Variants in GRID2 observed in about 807,000 individuals in gnomAD.
The protein encoded by GRID2 is glutamate receptor ionotropic, delta-2.
GRID2 carries 33 observed loss-of-function variants against 114.8 expected under a neutral mutation model. The observed-to-expected ratio is 0.29, with a 90% CI of 0.22 to 0.38. The LOEUF is 0.38. Among genes scored for constraint, GRID2 ranks in the 10% least tolerant of loss-of-function variants. GRID2 has a pLI of 1.00. For missense variants in GRID2, 1,184 were observed against 1,257.7 expected (o/e 0.94, Z 0.89); for synonymous variants, 505 against 449.9 (o/e 1.12, Z -1.55).
In GRID2 at chr4:93,772,601, T is replaced by C; in HGVS notation, c.*103T>C. ...ATGGATGTAACGTTTAAAAAAAAGA[T>C]CAGGATTATTAGTAACAATTCTAGT... On this transcript the variant is annotated 3_prime_UTR_variant, in exon 16 of 16. Transcript: ENST00000282020. The C allele has an allele frequency of 1.2e-6, 1 of 806,868 alleles. No homozygotes were observed. Among genetic ancestry groups the C allele is most frequent in the Non-Finnish European group, 1.9e-6 (1 of 515,552 alleles). 50.0% of individuals were successfully genotyped at this position (806,868 alleles called of 1,614,324 possible).
intron 2 of GRID2, among the ~76,000 whole-genome samples, chr4:92,761,971 C>T (rs1442553742): frequency 6.6e-6 from 1 of 152,110 alleles, no homozygotes; most frequent in Non-Finnish European, 1.5e-5. Context: ...GCTCTGTCTC[C>T]AGGCTGGAGT....
At chr4:93,487,050 C>A (rs1418258795) in intron 11 of GRID2, among the ~76,000 whole-genome samples, 1 of 151,614 alleles carries the variant, frequency 6.6e-6, no homozygotes, top group East Asian at 1.9e-4. Context: ...TGGGGAGGAA[C>A]TTTTTTAGGA....
chr4:92,866,719 T>G (rs2149441242), intron 2 of GRID2, among the ~76,000 whole-genome samples: 1 of 151,938 alleles, frequency 6.6e-6, no homozygotes, highest in African/African-American at 2.4e-5. Context: ...AATTTTTTTT[T>G]TTTTTGTACT....
intron 8 of GRID2, among the ~76,000 whole-genome samples, chr4:93,370,675 C>A (rs769279497): frequency 6.6e-6 from 1 of 151,938 alleles, no homozygotes; most frequent in Non-Finnish European, 1.5e-5. Context: ...ACTTGGCCAA[C>A]TATTATATTT....
At chr4:92,982,118 C>T (rs1305879251) in intron 2 of GRID2, among the ~76,000 whole-genome samples, 2 of 150,880 alleles carry the variant, frequency 1.3e-5, no homozygotes, top group Non-Finnish European at 3.0e-5. Context: ...CATTTTTACT[C>T]CCCTACTCAA....
chr4:92,493,548 A>G (rs1327506649), intron 1 of GRID2, among the ~76,000 whole-genome samples: 1 of 152,178 alleles, frequency 6.6e-6, no homozygotes, highest in Non-Finnish European at 1.5e-5. Context: ...GCAGCAGCTT[A>G]GAGGTGTGTC....
intron 1 of GRID2, among the ~76,000 whole-genome samples, chr4:92,477,343 A>G (rs1051711079): frequency 2.6e-5 from 4 of 152,110 alleles, no homozygotes; most frequent in African/African-American, 9.7e-5. Flanking sequence ...AAAATAAGTC[A>G]TTTAGTTTAG....
chr4:92,878,017 A>G (rs1745756228), intron 2 of GRID2, among the ~76,000 whole-genome samples: 1 of 152,206 alleles, frequency 6.6e-6, no homozygotes, highest in Admixed American at 6.5e-5. Context: ...CTCAATTTGT[A>G]CCATTCAAAA....
intron 10 of GRID2, among the ~76,000 whole-genome samples, chr4:93,437,084 A>G (rs1328724283): frequency 6.6e-6 from 1 of 152,170 alleles, no homozygotes. Flanking sequence ...CAACACTGCA[A>G]TTAACACAAA....
At chr4:92,988,207 A>T (rs1260797314) in intron 2 of GRID2, among the ~76,000 whole-genome samples, 2 of 152,112 alleles carry the variant, frequency 1.3e-5, no homozygotes, top group Non-Finnish European at 2.9e-5. Flanking sequence ...TATAATCCAG[A>T]TATCAGTAAG....
At chr4:93,807,648 C>T (rs1167885484) in exon 2 of GRID2, 2 of 142,266 alleles carry the variant, frequency 1.4e-5, no homozygotes. Context: ...TATATACTAC[C>T]CAGCGCTAAG....
chr4:92,967,353 CA>C (rs1753220523), intron 2 of GRID2, among the ~76,000 whole-genome samples: 1 of 151,942 alleles, frequency 6.6e-6, no homozygotes, highest in African/African-American at 2.4e-5. Context: ...CGATGCTTCA[CA>C]GTAAAATTCA....
intron 9 of GRID2, among the ~76,000 whole-genome samples, chr4:93,403,116 A>T (rs1268352229): frequency 1.3e-5 from 2 of 152,176 alleles, no homozygotes; most frequent in Admixed American, 1.3e-4. Context: ...CTCCCACAGC[A>T]ATGTCTTACG....
chr4:93,187,355 C>A (rs561728009), intron 4 of GRID2, among the ~76,000 whole-genome samples: 9 of 152,078 alleles, frequency 5.9e-5, no homozygotes, highest in African/African-American at 1.9e-4. Flanking sequence ...CGGCTCTTAG[C>A]AACCTCTACC....
intron 1 of GRID2, among the ~76,000 whole-genome samples, chr4:92,341,321 T>C (rs1727477353): frequency 6.6e-6 from 1 of 152,176 alleles, no homozygotes. Context: ...CAATGTGTCC[T>C]ACCTAATGTG....
intron 11 of GRID2, among the ~76,000 whole-genome samples, chr4:93,469,802 G>A (rs761780020): frequency 2.3e-4 from 35 of 152,016 alleles, no homozygotes; most frequent in African/African-American, 5.8e-4. Flanking sequence ...CTAAGCTATC[G>A]GAAAACAAGG....
intron 2 of GRID2, among the ~76,000 whole-genome samples, chr4:92,917,829 T>G (rs1283796728): frequency 6.6e-6 from 1 of 152,136 alleles, no homozygotes; most frequent in Non-Finnish European, 1.5e-5. Context: ...ACATGGCAAT[T>G]CAGGCTCTTT....
intron 2 of GRID2, among the ~76,000 whole-genome samples, chr4:93,051,200 G>A (rs1726677933): frequency 6.6e-6 from 1 of 151,980 alleles, no homozygotes; most frequent in Non-Finnish European, 1.5e-5. Context: ...TAAAAATAAG[G>A]AATCGTTCAA....
At chr4:93,161,179 A>C (rs1416099131) in intron 4 of GRID2, among the ~76,000 whole-genome samples, 1 of 151,970 alleles carries the variant, frequency 6.6e-6, no homozygotes. Context: ...TTTAAGGAAC[A>C]GTACATATAT....
Sources: gnomAD v4.1 joint callset for allele counts (sites outside exome capture counted in the v4.1 genomes callset) on GRCh38, gnomAD v4.1.1 for gene constraint, MANE v1.5 for transcripts, NCBI Gene and HGNC (gene_info 2026-07-23, HGNC 2026-07-21) for gene names.